SPTLC2: variants seen among roughly 807,000 people sequenced by gnomAD.
The protein encoded by SPTLC2 is serine palmitoyltransferase 2.
In SPTLC2, 21 loss-of-function variants were observed where a neutral mutation model predicts 62.0. That is an observed-to-expected ratio of 0.34 (90% CI 0.24 to 0.49). The LOEUF (loss-of-function observed/expected upper bound fraction) is 0.49, where lower values mean the gene tolerates loss of function less well. Ranked by LOEUF, SPTLC2 falls within the 20% of genes least tolerant of loss-of-function variation. SPTLC2 has a pLI of 0.99. For missense variants in SPTLC2, 511 were observed against 713.0 expected (o/e 0.72, Z 3.23); for synonymous variants, 261 against 261.8 (o/e 1.00, Z 0.03).
At chr14:77,615,733 C>A (rs1309760548) in intron 1 of SPTLC2, among the ~76,000 whole-genome samples, 1 of 152,198 alleles carries the variant, frequency 6.6e-6, no homozygotes, top group East Asian at 1.9e-4. Context: ...AGTATAGAGT[C>A]ATCGCAAGTC....
chr14:77,546,901 C>T (rs567498579), intron 9 of SPTLC2, among the ~76,000 whole-genome samples: 6 of 152,264 alleles, frequency 3.9e-5, no homozygotes, highest in South Asian at 4.1e-4. Context: ...AGCTAATTTT[C>T]GTATTTTTAT....
At chr14:77,523,243 G>A (rs1594969406) in intron 9 of SPTLC2, among the ~76,000 whole-genome samples, 1 of 152,190 alleles carries the variant, frequency 6.6e-6, no homozygotes, top group Non-Finnish European at 1.5e-5. Context: ...TTATCTTCCT[G>A]CTGTAAACAA....
chr14:77,531,711 C>A (rs1376128671), intron 9 of SPTLC2, among the ~76,000 whole-genome samples: 2 of 152,000 alleles, frequency 1.3e-5, no homozygotes, highest in Non-Finnish European at 2.9e-5. Context: ...AGGGTTTCTC[C>A]ATGTTGGTCA....
chr14:77,570,219 T>A lies in SPTLC2; in HGVS notation c.756+165A>T, dbSNP rs1343038357. Among the ~76,000 whole-genome samples the A allele has an allele frequency of 8.9e-5, 4 of 44,830 alleles. No individual in the cohort carries two copies. In the Admixed American group the frequency reaches 1.4e-3, roughly 16 times the overall value. The allele number at this position is 44,830 out of a possible 152,430, so 29.4% of individuals were successfully genotyped here. A position where few individuals can be genotyped will look rare whatever the true frequency, so the allele number is the denominator to read the frequency against. On this transcript the variant is annotated intron_variant, in intron 5 of 11. Transcript: ENST00000216484. The stretch of plus-strand genomic sequence containing the variant: ...GCCTGGGCGAAAGAACAAGACTCCA[T>A]CTCAAAAAAAAAAAAAAAAAAGAAA...
chr14:77,524,456 G>T (rs1200996602), intron 9 of SPTLC2, among the ~76,000 whole-genome samples: 1 of 147,922 alleles, frequency 6.8e-6, no homozygotes, highest in Non-Finnish European at 1.5e-5. Context: ...AAAAAAAAAA[G>T]TTTTTTCAAA....
chr14:77,612,896 C>T (rs1421068637), intron 1 of SPTLC2, among the ~76,000 whole-genome samples: 1 of 152,120 alleles, frequency 6.6e-6, no homozygotes, highest in Non-Finnish European at 1.5e-5. Flanking sequence ...TAAAACTACA[C>T]CCAAAGGGAA....
At chr14:77,551,823 G>A (rs1191935567) in intron 9 of SPTLC2, among the ~76,000 whole-genome samples, 1 of 152,082 alleles carries the variant, frequency 6.6e-6, no homozygotes, top group East Asian at 1.9e-4. Context: ...GAAAAACCTC[G>A]AAGGTATATT....
intron 4 of SPTLC2, 103 bp downstream of exon 4, chr14:77,576,664 A>G: frequency 6.6e-7 from 1 of 1,506,606 alleles, no homozygotes. Context: ...AAATGACATG[A>G]CAAAGTGTAG....
intron 2 of SPTLC2, among the ~76,000 whole-genome samples, chr14:77,589,429 A>C (rs2079802640): frequency 2.0e-5 from 3 of 151,998 alleles, no homozygotes; most frequent in Admixed American, 2.0e-4. Flanking sequence ...ATACTTCAAA[A>C]TACTTTACAT....
chr14:77,549,265 C>G (rs1292632726), intron 9 of SPTLC2, among the ~76,000 whole-genome samples: 1 of 151,742 alleles, frequency 6.6e-6, no homozygotes. Context: ...TTTGACATGC[C>G]TCCACTGGGG....
At chr14:77,528,857 CA>C (rs2079422129) in intron 9 of SPTLC2, among the ~76,000 whole-genome samples, 2 of 152,004 alleles carry the variant, frequency 1.3e-5, no homozygotes, top group African/African-American at 4.8e-5. Context: ...TTTTTTGAGA[CA>C]GAGTCTCACT....
At chr14:77,520,501 A>C (rs1166112788) in intron 10 of SPTLC2, among the ~76,000 whole-genome samples, 1 of 152,234 alleles carries the variant, frequency 6.6e-6, no homozygotes, top group Non-Finnish European at 1.5e-5. Flanking sequence ...AAACTGGAGA[A>C]ATGCTTTAAG....
intron 1 of SPTLC2, among the ~76,000 whole-genome samples, chr14:77,600,135 C>T (rs1395383301): frequency 6.6e-6 from 1 of 152,158 alleles, no homozygotes; most frequent in East Asian, 1.9e-4. Flanking sequence ...CCCACACAGG[C>T]AGGATCAGGT....
chr14:77,551,210 G>A (rs765890549), intron 9 of SPTLC2, among the ~76,000 whole-genome samples: 8 of 151,978 alleles, frequency 5.3e-5, no homozygotes, highest in South Asian at 2.1e-4. Context: ...TGGCTAATGC[G>A]GTGAAATCCC....
At chr14:77,515,421 G>A (rs151015407) in intron 11 of SPTLC2, among the ~76,000 whole-genome samples, 16 of 152,126 alleles carry the variant, frequency 1.1e-4, no homozygotes, top group South Asian at 2.1e-4. Context: ...CATGAACACA[G>A]GATGTCATTC....
intron 9 of SPTLC2, among the ~76,000 whole-genome samples, chr14:77,551,115 C>G (rs930565995): frequency 6.6e-6 from 1 of 151,944 alleles, no homozygotes; most frequent in African/African-American, 2.4e-5. Context: ...ACAACTGGGC[C>G]GGGCACGGTG....
chr14:77,593,136 A>C (rs2079827694), intron 2 of SPTLC2, among the ~76,000 whole-genome samples: 1 of 152,048 alleles, frequency 6.6e-6, no homozygotes, highest in Non-Finnish European at 1.5e-5. Flanking sequence ...TTAAAAAATA[A>C]GTGAGAATGT....
intron 1 of SPTLC2, among the ~76,000 whole-genome samples, chr14:77,599,796 A>T (rs2079867527): frequency 6.6e-6 from 1 of 152,260 alleles, no homozygotes. Flanking sequence ...TTAAAAATTA[A>T]CAACATAACA....
intron 1 of SPTLC2, among the ~76,000 whole-genome samples, chr14:77,613,321 A>G (rs988355098): frequency 6.6e-6 from 1 of 152,228 alleles, no homozygotes; most frequent in Non-Finnish European, 1.5e-5. Flanking sequence ...GTTCTTTCCA[A>G]TGCTAATGTA....
Sources: gnomAD v4.1 joint callset for allele counts (sites outside exome capture counted in the v4.1 genomes callset) on GRCh38, gnomAD v4.1.1 for gene constraint, MANE v1.5 for transcripts, NCBI Gene and HGNC (gene_info 2026-07-23, HGNC 2026-07-21) for gene names.